The following KCNAB1 variants were observed in gnomAD, a reference collection of about 807,000 sequenced individuals.
KCNAB1 encodes potassium voltage-gated channel subfamily A regulatory beta subunit 1.
Under a neutral mutation model 64.6 loss-of-function variants are expected in KCNAB1, and 35 were observed. The ratio of observed to expected loss-of-function variants is 0.54; its 90% CI spans 0.41 to 0.72. KCNAB1 has a LOEUF of 0.72. Ranked by LOEUF, KCNAB1 falls within the 30% of genes least tolerant of loss-of-function variation. The pLI is 0.00. For synonymous variants in KCNAB1, 177 were observed against 183.8 expected (o/e 0.96, Z 0.30); for missense variants, 401 against 512.9 (o/e 0.78, Z 2.11).
At chr3:156,416,031 T>G (rs900552808) in intron 1 of KCNAB1, among the ~76,000 whole-genome samples, 4 of 152,152 alleles carry the variant, frequency 2.6e-5, no homozygotes, top group Admixed American at 1.3e-4. Context: ...GGCCTGTTAT[T>G]CCTCCTTTTT....
chr3:156,433,071 G>T (rs964017807), intron 2 of KCNAB1, among the ~76,000 whole-genome samples: 12 of 152,122 alleles, frequency 7.9e-5, no homozygotes, highest in African/African-American at 2.9e-4. Flanking sequence ...CACTTTTTCT[G>T]TCATTTTTTC....
chr3:156,392,166 A>G (rs112564519), intron 1 of KCNAB1, among the ~76,000 whole-genome samples: 2,019 of 152,150 alleles, frequency 0.013, 46 homozygotes, highest in African/African-American at 0.047. Flanking sequence ...ATCATTTGAA[A>G]TTCTATGGTG....
chr3:156,523,677 C>A (rs1718105094), intron 11 of KCNAB1, 150 bp from the exon 12 acceptor site: 3 of 714,076 alleles, frequency 4.2e-6, no homozygotes, highest in Non-Finnish European at 7.2e-6. Context: ...AGGAACATTT[C>A]TTTGCATGAA....
At chr3:156,157,047 A>T (rs1351191180) in intron 1 of KCNAB1, among the ~76,000 whole-genome samples, 1 of 152,178 alleles carries the variant, frequency 6.6e-6, no homozygotes, top group African/African-American at 2.4e-5. Context: ...GGGTGTCAGG[A>T]TCAAACAAAA....
chr3:156,490,123 C>A (rs1715526398), intron 8 of KCNAB1, among the ~76,000 whole-genome samples: 1 of 152,050 alleles, frequency 6.6e-6, no homozygotes, highest in South Asian at 2.1e-4. Context: ...GACTATGAGA[C>A]TTGAGACCCC....
At chr3:156,254,170 TTAAAAA>T (rs1475762671) in intron 1 of KCNAB1, among the ~76,000 whole-genome samples, 1 of 152,216 alleles carries the variant, frequency 6.6e-6, no homozygotes, top group Non-Finnish European at 1.5e-5. Context: ...TGATAAAATG[TTAAAAA>T]TAAAAAGAGA....
At chr3:156,503,030 A>G (rs1018304180) in intron 8 of KCNAB1, among the ~76,000 whole-genome samples, 1 of 152,236 alleles carries the variant, frequency 6.6e-6, no homozygotes, top group African/African-American at 2.4e-5. Flanking sequence ...AGAATTTGAC[A>G]TATGCAATAA....
chr3:156,297,729 G>C (rs1720893394), intron 1 of KCNAB1, among the ~76,000 whole-genome samples: 1 of 152,028 alleles, frequency 6.6e-6, no homozygotes. Context: ...GATCAATCTT[G>C]TCAGCCAATT....
chr3:156,473,188 G>C (rs1431196275), intron 7 of KCNAB1, among the ~76,000 whole-genome samples: 1 of 152,106 alleles, frequency 6.6e-6, no homozygotes, highest in African/African-American at 2.4e-5. Flanking sequence ...TTCACATTCT[G>C]GTTCTGTAGA....
chr3:156,363,276 A>G (rs1424106252), intron 1 of KCNAB1, among the ~76,000 whole-genome samples: 2 of 152,206 alleles, frequency 1.3e-5, no homozygotes, highest in Non-Finnish European at 2.9e-5. Context: ...AGGTTTTAGT[A>G]TTTTGGTTAG....
chr3:156,393,152 C>T (rs547094618), intron 1 of KCNAB1, among the ~76,000 whole-genome samples: 1 of 152,264 alleles, frequency 6.6e-6, no homozygotes, highest in South Asian at 2.1e-4. Context: ...GGATCACCCC[C>T]TCTAAGAGGG....
intron 1 of KCNAB1, among the ~76,000 whole-genome samples, chr3:156,199,541 G>A (rs1002635102): frequency 3.5e-4 from 53 of 151,894 alleles, no homozygotes; most frequent in African/African-American, 1.2e-3. Flanking sequence ...CTCTAATCTT[G>A]TATTCACATT....
chr3:156,251,617 G>A (rs558654618), intron 1 of KCNAB1, among the ~76,000 whole-genome samples: 1 of 152,074 alleles, frequency 6.6e-6, no homozygotes, highest in Non-Finnish European at 1.5e-5. Context: ...TTGGGAGGAG[G>A]GGTATCCTTT....
At chr3:156,185,100 C>G (rs1357343063) in intron 1 of KCNAB1, among the ~76,000 whole-genome samples, 1 of 152,232 alleles carries the variant, frequency 6.6e-6, no homozygotes, top group Admixed American at 6.5e-5. Flanking sequence ...TTCCTGAAGA[C>G]TGGTCTAGAG....
chr3:156,132,922 G>T (rs1714086599), intron 1 of KCNAB1, among the ~76,000 whole-genome samples: 1 of 152,150 alleles, frequency 6.6e-6, no homozygotes, highest in South Asian at 2.1e-4. Flanking sequence ...CTCAGTCAAG[G>T]TATATATACA....
chr3:156,355,014 G>C (rs1725138211), intron 1 of KCNAB1, among the ~76,000 whole-genome samples: 1 of 152,148 alleles, frequency 6.6e-6, no homozygotes, highest in South Asian at 2.1e-4. Flanking sequence ...AAGATTGAAG[G>C]CATTCCTAAT....
intron 1 of KCNAB1, among the ~76,000 whole-genome samples, chr3:156,173,665 CA>C (rs1489698810): frequency 3.9e-5 from 6 of 152,132 alleles, no homozygotes; most frequent in South Asian, 4.2e-4. Context: ...CTCTATGTAA[CA>C]AAAAAATGCA....
intron 1 of KCNAB1, among the ~76,000 whole-genome samples, chr3:156,268,551 G>C (rs1225925812): frequency 6.6e-6 from 1 of 151,966 alleles, no homozygotes; most frequent in Non-Finnish European, 1.5e-5. Flanking sequence ...CTATCTTTTG[G>C]ATAAAAGCCA....
chr3:156,350,506 CAAA>C (rs60606856), intron 1 of KCNAB1, among the ~76,000 whole-genome samples: 24 of 98,884 alleles, frequency 2.4e-4, no homozygotes, highest in South Asian at 2.8e-4. Context: ...GACCCTGTCT[CAAA>C]AAAAAAAAAA....
Sources: gnomAD v4.1 joint callset for allele counts (sites outside exome capture counted in the v4.1 genomes callset) on GRCh38, gnomAD v4.1.1 for gene constraint, MANE v1.5 for transcripts, NCBI Gene and HGNC (gene_info 2026-07-23, HGNC 2026-07-21) for gene names.